The following PURG variants were observed in gnomAD, a reference collection of about 807,000 sequenced individuals.
PURG encodes the protein purine rich element binding protein G, also known as purine-rich element-binding protein gamma.
A neutral mutation model predicts 24.3 loss-of-function variants in PURG; 3 were observed. That is an observed-to-expected ratio of 0.12 (90% confidence interval 0.06 to 0.32). The LOEUF is 0.32. Among genes scored for constraint, PURG ranks in the 10% least tolerant of loss-of-function variants. PURG has a pLI of 1.00. For synonymous variants in PURG, 180 were observed against 173.1 expected (o/e 1.04, Z -0.31); for missense variants, 371 against 439.1 (o/e 0.84, Z 1.39).
intron 1 of PURG, among the ~76,000 whole-genome samples, chr8:31,017,856 G>A (rs961588705): frequency 2.0e-5 from 3 of 152,090 alleles, no homozygotes; most frequent in South Asian, 2.1e-4. Context: ...TAGATGTTTC[G>A]ACTTTTAAAC....
At chr8:31,002,338 A>G (rs1810553809) in intron 1 of PURG, among the ~76,000 whole-genome samples, 1 of 152,000 alleles carries the variant, frequency 6.6e-6, no homozygotes, top group Non-Finnish European at 1.5e-5. Flanking sequence ...GAATCTGTAC[A>G]GTATTCAAAA....
Position 31,032,647 on chromosome 8 carries a change from C to T in PURG, c.136G>A (p.Ala46Thr). 2 of 1,581,020 alleles carry T rather than the reference C, an allele frequency of 1.3e-6. No individual in the cohort carries two copies. The highest frequency in any genetic ancestry group is 1.7e-6 in the Non-Finnish European group (2 of 1,162,004). Residue 46 changes from alanine (A) to threonine (T), a missense_variant, in exon 2 of 2, where the codon GCC becomes ACC. Coordinates refer to ENST00000523392, the MANE Select transcript of PURG (RefSeq NM_001323311.2). The surrounding 1 kb of genome is among the most constrained non-coding windows in gnomAD (Gnocchi z 5.9). ...GCGCCCCCGGCCTGATTAGGGGTGG[C>T]TGAGGCCGCGTAGTGGGGGTAGTGG... ...HSHYPHYAAS[A>T]TPNQAGGAAE...
chr8:31,033,236 A>G lies in PURG; in HGVS notation c.-165T>C, dbSNP rs1211440896. On this transcript the variant is annotated 5_prime_UTR_variant, in exon 1 of 2. Coordinates refer to ENST00000523392, the MANE Select transcript of PURG (RefSeq NM_001323311.2). ...CTGCCCCCCGCCGGAGCAGCCGGGCAGGGGCATCGCCCGCGGCGCCCACCG... is the reference window on the plus strand; with the variant it reads ...CTGCCCCCCGCCGGAGCAGCCGGGCGGGGGCATCGCCCGCGGCGCCCACCG... 1.1e-5 allele frequency: 2 copies of G among 177,482 alleles called. No homozygotes were observed. Among genetic ancestry groups the G allele is most frequent in the East Asian group, 1.5e-4 (1 of 6,454 alleles). The allele number at this position is 177,482 out of a possible 1,614,324, so 11.0% of individuals were successfully genotyped here. A position where few individuals can be genotyped will look rare whatever the true frequency, so the allele number is the denominator to read the frequency against.
chr8:31,031,354 T>C lies in PURG; in HGVS notation c.*385A>G, dbSNP rs1395419920. ...CTTAGCAGCTTTTAATGAAGTAGAA[T>C]TGAAATACTTTTGGGGGAAAGTCAC... is the stretch of plus-strand genomic sequence containing the variant. On this transcript the variant is annotated 3_prime_UTR_variant, in exon 2 of 2. Transcript: ENST00000523392. 5.8e-6 allele frequency: 1 copy of C among 173,690 alleles called. No individual in the cohort carries two copies. Among genetic ancestry groups the C allele is most frequent in the Non-Finnish European group, 1.2e-5 (1 of 80,526 alleles). 10.8% of individuals were successfully genotyped at this position (173,690 alleles called of 1,614,324 possible). A position where few individuals can be genotyped will look rare whatever the true frequency, so the allele number is the denominator to read the frequency against.
intron 1 of PURG, among the ~76,000 whole-genome samples, chr8:31,018,358 T>C (rs1396529619): frequency 1.3e-5 from 2 of 152,210 alleles, no homozygotes; most frequent in Non-Finnish European, 2.9e-5. Context: ...GCCATAACAA[T>C]TCACCTTTTC....
chr8:31,027,107 C>T (rs1161904865), downstream of PURG, among the ~76,000 whole-genome samples: 1 of 151,596 alleles, frequency 6.6e-6, no homozygotes, highest in Non-Finnish European at 1.5e-5. Flanking sequence ...CTCTGATGGG[C>T]TAGCCATTAG....
downstream of PURG, among the ~76,000 whole-genome samples, chr8:31,030,490 C>T (rs1811172441): frequency 6.6e-6 from 1 of 151,906 alleles, no homozygotes; most frequent in Non-Finnish European, 1.5e-5. Context: ...GTGGCACTTC[C>T]TGGAAAGTAA....
chr8:31,027,543 G>C (rs894296866), downstream of PURG, among the ~76,000 whole-genome samples: 1 of 151,634 alleles, frequency 6.6e-6, no homozygotes, highest in East Asian at 1.9e-4. Context: ...TTTAAAATGA[G>C]CATCTGAGGG....
At chr8:31,003,491 G>A (rs895449926) in intron 1 of PURG, among the ~76,000 whole-genome samples, 2 of 152,024 alleles carry the variant, frequency 1.3e-5, no homozygotes, top group Non-Finnish European at 2.9e-5. Context: ...GCTGGGCACA[G>A]TGCCTCACAC....
At chr8:31,019,110 C>G (rs1241354890) in intron 1 of PURG, among the ~76,000 whole-genome samples, 2 of 86,236 alleles carry the variant, frequency 2.3e-5, no homozygotes, top group Non-Finnish European at 2.0e-5. Context: ...GGTGACAGAG[C>G]GAGACTCTGT....
chr8:30,998,175 T>C (rs1810465333), intron 1 of PURG, among the ~76,000 whole-genome samples: 1 of 151,952 alleles, frequency 6.6e-6, no homozygotes, highest in Admixed American at 6.5e-5. Context: ...CAAATGATTG[T>C]AGACTAACTT....
At chr8:31,027,983 C>T (rs146638910), downstream of PURG, among the ~76,000 whole-genome samples, 1,008 of 151,832 alleles carry the variant, frequency 6.6e-3, 1 homozygote, top group Admixed American at 0.012. Context: ...AATAATGCCA[C>T]ATCAGCTAAC....
exon 2 of PURG, chr8:30,996,519 A>G: frequency 8.6e-7 from 1 of 1,164,116 alleles, no homozygotes; most frequent in Admixed American, 2.0e-5. Context: ...GAGGCCTTAC[A>G]TTCATGATGA....
intron 1 of PURG, among the ~76,000 whole-genome samples, chr8:30,999,630 T>G (rs1810497025): frequency 6.6e-6 from 1 of 152,012 alleles, no homozygotes; most frequent in Non-Finnish European, 1.5e-5. Context: ...AATTGCACAT[T>G]CCTTTGCCAA....
chr8:31,017,553 A>C (rs1264159950), intron 1 of PURG, among the ~76,000 whole-genome samples: 3 of 152,162 alleles, frequency 2.0e-5, no homozygotes, highest in Non-Finnish European at 2.9e-5. Flanking sequence ...AATCACTCAG[A>C]TCTCTCCATA....
chr8:31,030,778 T>A (rs1434261841), downstream of PURG: 1 of 151,998 alleles, frequency 6.6e-6, no homozygotes, highest in Non-Finnish European at 1.5e-5. Context: ...TACAGGTATA[T>A]TTTTATATCA....
At chr8:31,009,116 G>A (rs1810714722) in intron 1 of PURG, among the ~76,000 whole-genome samples, 1 of 152,016 alleles carries the variant, frequency 6.6e-6, no homozygotes, top group African/African-American at 2.4e-5. Flanking sequence ...AACTTCTGTG[G>A]CCATAAATAC....
chr8:31,025,399 C>G (rs1001009731), intron 1 of PURG, among the ~76,000 whole-genome samples: 1 of 151,888 alleles, frequency 6.6e-6, no homozygotes, highest in African/African-American at 2.4e-5. Flanking sequence ...AACAACACCT[C>G]TTTCATTTTG....
intron 1 of PURG, among the ~76,000 whole-genome samples, chr8:31,002,884 T>C (rs1247198534): frequency 6.6e-6 from 1 of 152,230 alleles, no homozygotes; most frequent in East Asian, 1.9e-4. Context: ...ACAAACATTA[T>C]CGGCAGTTTA....
Sources: gnomAD v4.1 joint callset for allele counts (sites outside exome capture counted in the v4.1 genomes callset) on GRCh38, gnomAD v4.1.1 for gene constraint, Gnocchi (gnomAD v3.1) non-coding constraint, MANE v1.5 for transcripts, NCBI Gene and HGNC (gene_info 2026-07-23, HGNC 2026-07-21) for gene names.